C12orf75: variants seen among roughly 807,000 people sequenced by gnomAD.
C12orf75 encodes chromosome 12 open reading frame 75.
In C12orf75, 4 loss-of-function variants were observed where a neutral mutation model predicts 11.4. The observed-to-expected ratio is 0.35, with a 90% CI of 0.17 to 0.80. The LOEUF is 0.80. Ranked by LOEUF, C12orf75 falls within the 30% of genes least tolerant of loss-of-function variation. The probability of loss-of-function intolerance (pLI) is 0.52; values close to 1 mark genes in which losing one functional copy is unlikely to be tolerated. For missense variants in C12orf75, 89 were observed against 80.4 expected (o/e 1.11, Z -0.41); for synonymous variants, 30 against 30.0 (o/e 1.00, Z 0.00).
intron 1 of C12orf75, among the ~76,000 whole-genome samples, chr12:105,338,243 C>T (rs963170505): frequency 5.9e-5 from 9 of 152,232 alleles, no homozygotes; most frequent in Middle Eastern, 3.4e-3. Flanking sequence ...GGCATGATCT[C>T]GGCTCAGTGC....
intron 2 of C12orf75, among the ~76,000 whole-genome samples, chr12:105,349,885 GAAAA>G (rs1892688755): frequency 1.3e-5 from 2 of 151,270 alleles, no homozygotes; most frequent in Non-Finnish European, 3.0e-5. Flanking sequence ...TCAAAAAAAA[GAAAA>G]AAAAGAGTCA....
chr12:105,344,808 T>C (rs562567869), intron 1 of C12orf75, among the ~76,000 whole-genome samples: 2 of 151,530 alleles, frequency 1.3e-5, no homozygotes, highest in South Asian at 4.2e-4. Flanking sequence ...TTTTCTTCCC[T>C]CTGTAAGACT....
intron 5 of C12orf75, among the ~76,000 whole-genome samples, chr12:105,368,954 T>C (rs1871557761): frequency 6.6e-6 from 1 of 152,322 alleles, no homozygotes; most frequent in Non-Finnish European, 1.5e-5. Flanking sequence ...ATTTCTGAGT[T>C]CTCCGCTAGT....
At chr12:105,348,463 C>T (rs11112487) in intron 1 of C12orf75, 139 bp from the exon 2 acceptor site, 77,546 of 440,030 alleles carry the variant, frequency 0.18, 8,508 homozygotes, top group Non-Finnish European at 0.21. Context: ...ATTTTTTTGC[C>T]CTCCTTTCTC....
At chr12:105,354,258 A>G (rs1297961283) in intron 2 of C12orf75, among the ~76,000 whole-genome samples, 2 of 152,210 alleles carry the variant, frequency 1.3e-5, no homozygotes, top group Non-Finnish European at 2.9e-5. Context: ...TTGTGTCCTT[A>G]GTATAATTAT....
intron 5 of C12orf75, among the ~76,000 whole-genome samples, chr12:105,370,176 C>T (rs529025770): frequency 1.0e-3 from 159 of 152,308 alleles, no homozygotes; most frequent in Admixed American, 2.0e-3. Context: ...AGACTACTTC[C>T]AGCACAGAGG....
At chr12:105,340,618 TA>T (rs1181689131) in intron 1 of C12orf75, among the ~76,000 whole-genome samples, 3 of 152,094 alleles carry the variant, frequency 2.0e-5, no homozygotes, top group African/African-American at 7.2e-5. Context: ...AGGACAAAGA[TA>T]AGAAGGTCTA....
chr12:105,346,488 A>T (rs1250379747), intron 1 of C12orf75, among the ~76,000 whole-genome samples: 1 of 151,906 alleles, frequency 6.6e-6, no homozygotes, highest in Non-Finnish European at 1.5e-5. Flanking sequence ...TATCAAAAAC[A>T]CTCTACTGTT....
intron 5 of C12orf75, 63 bp from the exon 6 acceptor site, chr12:105,370,571 C>T (rs1288824858): frequency 6.6e-6 from 3 of 457,370 alleles, no homozygotes; most frequent in African/African-American, 4.0e-5. Flanking sequence ...AAGGCTAATA[C>T]ATTTTTTAAC....
intron 5 of C12orf75, among the ~76,000 whole-genome samples, chr12:105,369,946 TTTG>T (rs529326026): frequency 5.9e-5 from 9 of 152,188 alleles, no homozygotes; most frequent in East Asian, 1.9e-4. Context: ...TGGAGACACT[TTTG>T]TTGTTGTTGT....
intron 2 of C12orf75, among the ~76,000 whole-genome samples, chr12:105,358,370 A>G (rs1360311712): frequency 6.6e-6 from 1 of 152,062 alleles, no homozygotes; most frequent in Admixed American, 6.5e-5. Context: ...AAAAACATAT[A>G]TGTTAGCCAG....
At position 105,361,065 on chromosome 12, in the gene C12orf75, C is replaced by T. The variant is rs548037735; in HGVS notation, c.72-4742C>T. On this transcript the variant is annotated intron_variant, in intron 2 of 5. Coordinates refer to ENST00000443585, the MANE Select transcript of C12orf75 (RefSeq NM_001145199.2). Reference sequence around the variant, plus strand: ...TGTTGGGATTAAAGGTGTGAGCCACCGCGCCTGCCCTGTAGATCATTTTAA... The same window carrying T: ...TGTTGGGATTAAAGGTGTGAGCCACTGCGCCTGCCCTGTAGATCATTTTAA... Among the ~76,000 whole-genome samples, 31 of 152,178 alleles carry T rather than the reference C, an allele frequency of 2.0e-4. No individual in the cohort carries two copies. In the South Asian group the frequency reaches 4.2e-3, roughly 20 times the overall value.
At chr12:105,357,085 C>T (rs1186560627) in intron 2 of C12orf75, among the ~76,000 whole-genome samples, 3 of 152,164 alleles carry the variant, frequency 2.0e-5, no homozygotes, top group African/African-American at 7.2e-5. Context: ...TACAAGAAGA[C>T]AGAGCTTATT....
chr12:105,340,665 A>AT (rs1251095855), intron 1 of C12orf75, among the ~76,000 whole-genome samples: 4 of 152,156 alleles, frequency 2.6e-5, no homozygotes, highest in African/African-American at 9.7e-5. Context: ...AGATATGTCC[A>AT]TGTTCTCTTT....
intron 5 of C12orf75, among the ~76,000 whole-genome samples, chr12:105,368,123 A>C (rs1871529490): frequency 6.6e-6 from 1 of 151,984 alleles, no homozygotes; most frequent in Non-Finnish European, 1.5e-5. Context: ...TTATAATAAG[A>C]AACAAGAACA....
intron 1 of C12orf75, among the ~76,000 whole-genome samples, chr12:105,342,835 A>C (rs1232496137): frequency 6.6e-6 from 1 of 152,222 alleles, no homozygotes; most frequent in African/African-American, 2.4e-5. Flanking sequence ...TTATGATGAA[A>C]CTGCAATATC....
chr12:105,335,779 C>T (rs371472505), intron 1 of C12orf75, among the ~76,000 whole-genome samples: 6 of 152,238 alleles, frequency 3.9e-5, no homozygotes, highest in Admixed American at 1.3e-4. Flanking sequence ...TCATGAAAGC[C>T]TATACATTTT....
At chr12:105,357,778 C>CTGTGTGTGTGTG (rs67643973) in intron 2 of C12orf75, among the ~76,000 whole-genome samples, 4,584 of 137,066 alleles carry the variant, frequency 0.033, 91 homozygotes, top group Non-Finnish European at 0.047. Flanking sequence ...AATGTATTTT[C>CTGTGTGTGTGTG]TGTGTGTGTG....
chr12:105,355,333 C>T (rs1269877749), intron 2 of C12orf75, among the ~76,000 whole-genome samples: 1 of 151,998 alleles, frequency 6.6e-6, no homozygotes, highest in African/African-American at 2.4e-5. Context: ...CCACGCCCAG[C>T]TGATTTTTGT....
Sources: allele counts gnomAD v4.1 joint callset (sites outside exome capture counted in the v4.1 genomes callset), GRCh38; gene constraint gnomAD v4.1.1; transcripts MANE v1.5; gene names NCBI Gene and HGNC (gene_info 2026-07-23, HGNC 2026-07-21).